Variants in MDN1 observed in about 807,000 individuals in gnomAD.
The protein encoded by MDN1 is midasin AAA ATPase 1.
Under a neutral mutation model 669.2 loss-of-function variants are expected in MDN1, and 266 were observed. The observed-to-expected ratio is 0.40, with a 90% CI of 0.36 to 0.44. The LOEUF is 0.44. Ranked by LOEUF, MDN1 falls within the 20% of genes least tolerant of loss-of-function variation. MDN1 has a pLI of 1.00. For missense variants in MDN1, 5,940 were observed against 6,754.0 expected (o/e 0.88, Z 4.22); for synonymous variants, 2,385 against 2,457.1 (o/e 0.97, Z 0.87).
intron 26 of MDN1, among the ~76,000 whole-genome samples, chr6:89,747,796 G>C (rs372161269): frequency 1.3e-5 from 2 of 151,160 alleles, no homozygotes; most frequent in South Asian, 4.2e-4. Flanking sequence ...GAGGCTGAGG[G>C]AGGAGAACCG....
intron 52 of MDN1, 57 bp from the exon 53 acceptor site, chr6:89,706,249 G>A (rs1813505120): frequency 6.6e-7 from 1 of 1,523,894 alleles, no homozygotes; most frequent in Non-Finnish European, 8.9e-7. Flanking sequence ...ATAATCTCTG[G>A]ACATTTTCAA....
At position 89,725,250 on chromosome 6, in the gene MDN1, T is replaced by G. The variant is rs1355676169; in HGVS notation, c.5619A>C (p.Gln1873His). ...TGGGCAAGCCTTTCCTCCCACCTCC[T>G]TGTCTAAAGGGATTCTGACACCCAA... ...KIFGCQNPFR[Q>H]GGGRKGLPRS... Residue 1873 changes from glutamine to histidine, a missense_variant, in exon 38 of 102, where the codon CAA becomes CAC. Physicochemically the swap from Gln to His is conservative, Grantham distance 24 (BLOSUM62 0). Around this residue, in one of 5 missense-constraint regions of MDN1, gnomAD observed 2,292 missense variants for 2,638.3 expected, o/e 0.87. Coordinates refer to ENST00000369393, the MANE Select transcript of MDN1 (RefSeq NM_014611.3). The G allele has an allele frequency of 6.2e-7, 1 of 1,614,078 alleles. No homozygotes were observed. Among genetic ancestry groups the G allele is most frequent in the South Asian group, 1.1e-5 (1 of 91,084 alleles).
intron 12 of MDN1, among the ~76,000 whole-genome samples, chr6:89,775,514 CCAGA>C (rs1432212663): frequency 6.6e-6 from 1 of 152,050 alleles, no homozygotes; most frequent in East Asian, 1.9e-4. Context: ...CAAGATGAGC[CCAGA>C]CATTTTTCTA....
At chr6:89,738,301 A>G in intron 33 of MDN1, 25 bp downstream of exon 33, 2 of 1,612,130 alleles carry the variant, frequency 1.2e-6, no homozygotes, top group African/African-American at 2.7e-5. Flanking sequence ...ACCCAATACT[A>G]CCATCACCAC....
rs190997987 is a variant in MDN1 at position 89,655,415 on chromosome 6, G to A, written c.15490+349C>T. 1.6e-4 allele frequency among the ~76,000 whole-genome samples: 24 copies of A among 152,308 alleles called. No homozygotes were observed. The East Asian group carries it at 4.6e-3, about 29-fold the overall frequency. ...TAAGAAACCCTGATATCGGGGTTTG[G>A]ATGTGAACAACTTATTTTTAACTAT... is the stretch of plus-strand genomic sequence containing the variant. On this transcript the variant is annotated intron_variant, in intron 92 of 101. Transcript: ENST00000369393.
At position 89,695,846 on chromosome 6, in the gene MDN1, C is replaced by T. The variant is rs948346815; in HGVS notation, c.9530G>A (p.Gly3177Asp). 10 of 1,613,644 alleles carry T rather than the reference C, an allele frequency of 6.2e-6. No individual in the cohort carries two copies. The highest frequency in any genetic ancestry group is 7.6e-6 in the Non-Finnish European group (9 of 1,180,026). ...LGSSQAFQHV[G>D]QTLGDMAGQE... is the part of the protein sequence containing the mutation. ...ACCAGCCATGTCCCCAAGTGTCTGG[C>T]CCACATGCTGGAAGGCCTGGCTGCT... is the stretch of plus-strand genomic sequence containing the variant. Residue 3177 changes from glycine (G) to aspartate (D), a missense_variant, in exon 61 of 102, where the codon GGC (glycine) becomes GAC (aspartate). Gly to Asp is a moderately conservative substitution (Grantham distance 94). This residue lies in a region of MDN1 where 2,292 missense variants were observed against 2,638.3 expected (regional missense o/e 0.87). Coordinates refer to ENST00000369393, the MANE Select transcript of MDN1 (RefSeq NM_014611.3). This position sits in a 1 kb window ranked among gnomAD's most constrained non-coding sequence, Gnocchi z 4.1.
chr6:89,813,071 G>C (rs1007601682), intron 1 of MDN1, among the ~76,000 whole-genome samples: 1 of 152,096 alleles, frequency 6.6e-6, no homozygotes, highest in African/African-American at 2.4e-5. Flanking sequence ...CTCCCCAGTA[G>C]CTGGGATTAT....
At chr6:89,694,043 C>T in intron 62 of MDN1, 31 bp downstream of exon 62, 1 of 1,564,778 alleles carries the variant, frequency 6.4e-7, no homozygotes, top group Non-Finnish European at 8.8e-7. Context: ...GTCAATAATC[C>T]CCAAAACAAA....
chr6:89,653,862 A>G (rs1809059181), intron 93 of MDN1, among the ~76,000 whole-genome samples: 1 of 152,182 alleles, frequency 6.6e-6, no homozygotes, highest in Admixed American at 6.5e-5. Flanking sequence ...CCTTTTCATC[A>G]TAGCTGTAGT....
intron 17 of MDN1, among the ~76,000 whole-genome samples, chr6:89,760,262 C>A (rs1817475334): frequency 6.6e-6 from 1 of 152,104 alleles, no homozygotes; most frequent in Non-Finnish European, 1.5e-5. Context: ...CCAAGTTGAT[C>A]CTTCCTACAG....
rs763191310 is a variant in MDN1, at chr6:89,743,608, G to A, written c.4285C>T (p.Leu1429=). ...TTTGGCTTTTGTCTCACTGGCCGCA[G>A]GCCACCCAGGAAGTCTGATGTCTCC... ...HMETSDFLGG[L]RPVRQKPNDK... is the part of the protein sequence containing the mutation. The change falls in exon 30 of 102, where the codon CTG becomes TTG. Residue 1429 remains leucine (L), a synonymous_variant. Transcript: ENST00000369393. The A allele has an allele frequency of 1.2e-5, 20 of 1,613,922 alleles. No homozygotes were observed. In the East Asian group the frequency reaches 4.2e-4, roughly 34 times the overall value.
In MDN1 at chr6:89,688,503, A is replaced by G. The variant is rs1812169787; in HGVS notation, c.11259+70T>C. On this transcript the variant is annotated intron_variant, in intron 66 of 101. Transcript: ENST00000369393. ...TATGTGCAAGTGGGTGCCCCCAGGG[A>G]TAATGGTGAGGCTGCATCCTCATTG... is the stretch of plus-strand genomic sequence containing the variant. 3.5e-6 allele frequency: 5 copies of G among 1,424,328 alleles called. No homozygotes were observed. In the East Asian group the frequency reaches 1.2e-4, roughly 33 times the overall value. The allele number at this position is 1,424,328 out of a possible 1,614,324, so 88.2% of individuals were successfully genotyped here.
intron 96 of MDN1, 103 bp from the exon 97 acceptor site, chr6:89,650,301 T>A: frequency 9.6e-7 from 1 of 1,045,974 alleles, no homozygotes; most frequent in Non-Finnish European, 1.4e-6. Context: ...CAATAGCAAG[T>A]AACTAGGAAC....
intron 73 of MDN1, 97 bp downstream of exon 73, chr6:89,683,035 A>T: frequency 8.0e-7 from 1 of 1,243,612 alleles, no homozygotes; most frequent in Non-Finnish European, 1.1e-6. Flanking sequence ...TTTCAAAGGC[A>T]TTTTCTTGTC....
At chr6:89,666,488 TTTTTG>T (rs200665587) in intron 84 of MDN1, among the ~76,000 whole-genome samples, 1 of 151,952 alleles carries the variant, frequency 6.6e-6, no homozygotes, top group East Asian at 1.9e-4. Flanking sequence ...TGGGTTTTGT[TTTTTG>T]TTTTGTTTTG....
chr6:89,760,363 C>A (rs371070643), intron 17 of MDN1, among the ~76,000 whole-genome samples: 1 of 151,656 alleles, frequency 6.6e-6, no homozygotes, highest in East Asian at 2.0e-4. Flanking sequence ...TCTCTCACAT[C>A]CACACACTCT....
intron 8 of MDN1, among the ~76,000 whole-genome samples, chr6:89,786,159 T>G (rs1478878095): frequency 2.6e-5 from 4 of 152,106 alleles, no homozygotes; most frequent in Non-Finnish European, 4.4e-5. Flanking sequence ...CCTGGGAGAC[T>G]GAGGCACGAG....
chr6:89,756,305 T>C lies in MDN1; in HGVS notation c.2788A>G (p.Asn930Asp), dbSNP rs769456257. Residue 930 changes from asparagine to aspartate, a missense_variant, in exon 20 of 102, where the codon AAC (asparagine) becomes GAC (aspartate). Physicochemically the swap from Asn to Asp is conservative, Grantham distance 23 (BLOSUM62 1). Transcript: ENST00000369393. ...IVDYLKGLSV[N>D]KNTVQGIINF... The stretch of plus-strand genomic sequence containing the variant: ...ATGATTCCTTGCACTGTATTCTTGT[T>C]CACACTCAATCCTTTCAGATAATCT... 1.3e-6 allele frequency: 2 copies of C among 1,592,812 alleles called. No homozygotes were observed. The highest frequency in any genetic ancestry group is 1.3e-5 in the African/African-American group (1 of 74,118).
At position 89,762,531 on chromosome 6, in the gene MDN1, C is replaced by T; in HGVS notation, c.2145-1G>A. The T allele has an allele frequency of 6.2e-7, 1 of 1,603,504 alleles. No homozygotes were observed. Among genetic ancestry groups the T allele is most frequent in the Non-Finnish European group, 8.5e-7 (1 of 1,172,342 alleles). ...AAGCTTATGGTCCACCGGTTTATAA[C>T]TGAAACAGACACAGGTAAATGTGAT... On this transcript the variant is annotated splice_acceptor_variant, in intron 15 of 101. Coordinates refer to ENST00000369393, the MANE Select transcript of MDN1 (RefSeq NM_014611.3). LOFTEE classifies it high-confidence loss of function.
Sources: gnomAD v4.1 joint callset for allele counts (sites outside exome capture counted in the v4.1 genomes callset) on GRCh38, gnomAD v4.1.1 for gene constraint, gnomAD v4.1.1 regional missense constraint, Gnocchi (gnomAD v3.1) non-coding constraint, MANE v1.5 for transcripts, NCBI Gene and HGNC (gene_info 2026-07-23, HGNC 2026-07-21) for gene names.